ME3: variants seen among roughly 807,000 people sequenced by gnomAD.
ME3 encodes the protein malic enzyme 3, also known as NADP-dependent malic enzyme, mitochondrial.
ME3 carries 48 observed loss-of-function variants against 68.9 expected under a neutral mutation model. That is an observed-to-expected ratio of 0.70 (90% CI 0.55 to 0.89). ME3 has a LOEUF of 0.89. Ranked by LOEUF, ME3 falls within the 40% of genes least tolerant of loss-of-function variation. The pLI is 0.00. For synonymous variants in ME3, 320 were observed against 318.8 expected (o/e 1.00, Z -0.04); for missense variants, 675 against 797.4 (o/e 0.85, Z 1.85).
At chr11:86,577,333 A>C (rs1185510988) in intron 2 of ME3, among the ~76,000 whole-genome samples, 1 of 152,200 alleles carries the variant, frequency 6.6e-6, no homozygotes, top group African/African-American at 2.4e-5. Flanking sequence ...CTGAATGAGA[A>C]TGAGAAGACT....
intron 4 of ME3, among the ~76,000 whole-genome samples, chr11:86,512,376 C>T (rs1348850305): frequency 6.6e-6 from 1 of 152,242 alleles, no homozygotes; most frequent in Non-Finnish European, 1.5e-5. Context: ...CCATCGCCCT[C>T]ATTAGACTGT....
At chr11:86,587,118 G>A (rs1007365288) in intron 2 of ME3, among the ~76,000 whole-genome samples, 6 of 152,308 alleles carry the variant, frequency 3.9e-5, no homozygotes, top group Middle Eastern at 3.4e-3. Context: ...TCTTAGTTGA[G>A]CTGAGATCAA....
intron 8 of ME3, among the ~76,000 whole-genome samples, chr11:86,461,746 G>A (rs1167780442): frequency 1.3e-5 from 2 of 152,186 alleles, no homozygotes; most frequent in African/African-American, 4.8e-5. Context: ...AGGAGGATCT[G>A]GGTGGCGCAT....
At chr11:86,603,982 T>G in intron 2 of ME3, among the ~76,000 whole-genome samples, 1 of 145,576 alleles carries the variant, frequency 6.9e-6, no homozygotes, top group Admixed American at 6.8e-5. Flanking sequence ...CATTAGGAGA[T>G]ATGCCTAATG....
chr11:86,574,921 A>ACCAGGCT (rs1285500072), intron 2 of ME3, among the ~76,000 whole-genome samples: 28 of 148,656 alleles, frequency 1.9e-4, no homozygotes, highest in South Asian at 4.2e-4. Flanking sequence ...ATGTGAAGGT[A>ACCAGGCT]TCTGCAAATT....
At chr11:86,659,159 G>A (rs974907884) in intron 2 of ME3, among the ~76,000 whole-genome samples, 7 of 152,184 alleles carry the variant, frequency 4.6e-5, no homozygotes, top group Admixed American at 2.0e-4. Context: ...CATCAGAAAC[G>A]GACACACAGG....
At chr11:86,557,674 C>T (rs1002581791) in intron 3 of ME3, among the ~76,000 whole-genome samples, 1 of 152,148 alleles carries the variant, frequency 6.6e-6, no homozygotes, top group African/African-American at 2.4e-5. Flanking sequence ...AAACTAAAAA[C>T]TGTGCTCTGG....
intron 7 of ME3, among the ~76,000 whole-genome samples, chr11:86,471,052 C>A (rs1411888186): frequency 6.6e-6 from 1 of 151,928 alleles, no homozygotes; most frequent in Admixed American, 6.6e-5. Flanking sequence ...TTGCACGGTC[C>A]CCTGTCTTTG....
At chr11:86,596,315 G>GA (rs1209524176) in intron 2 of ME3, among the ~76,000 whole-genome samples, 1 of 152,078 alleles carries the variant, frequency 6.6e-6, no homozygotes, top group Non-Finnish European at 1.5e-5. Flanking sequence ...TTTGACTAGT[G>GA]AAAAAAATGG....
intron 2 of ME3, among the ~76,000 whole-genome samples, chr11:86,610,553 T>C (rs1020497893): frequency 6.6e-6 from 1 of 152,286 alleles, no homozygotes; most frequent in East Asian, 1.9e-4. Context: ...CCACTTTCCA[T>C]TCCAAGGCCC....
intron 7 of ME3, among the ~76,000 whole-genome samples, chr11:86,471,787 G>A (rs896749494): frequency 6.6e-6 from 1 of 152,158 alleles, no homozygotes; most frequent in Non-Finnish European, 1.5e-5. Flanking sequence ...AACATAGTGA[G>A]ACCCATATCT....
chr11:86,465,305 G>T, intron 7 of ME3, 105 bp from the exon 8 acceptor site: 12 of 766,608 alleles, frequency 1.6e-5, no homozygotes, highest in East Asian at 2.7e-5. Flanking sequence ...CTGGGGGTGG[G>T]AGGTGGCATG....
intron 2 of ME3, among the ~76,000 whole-genome samples, chr11:86,666,587 T>G (rs2135515017): frequency 6.6e-6 from 1 of 152,332 alleles, no homozygotes; most frequent in Non-Finnish European, 1.5e-5. Context: ...CAGAGAAAAG[T>G]TTGATTTCAA....
At chr11:86,471,936 G>A (rs1291611584) in intron 7 of ME3, among the ~76,000 whole-genome samples, 2 of 152,178 alleles carry the variant, frequency 1.3e-5, no homozygotes, top group African/African-American at 4.8e-5. Flanking sequence ...AATACTCTGT[G>A]GCATCAGTAA....
chr11:86,486,024 C>G, intron 7 of ME3, among the ~76,000 whole-genome samples: 1 of 152,192 alleles, frequency 6.6e-6, no homozygotes, highest in East Asian at 1.9e-4. Flanking sequence ...ACCTCCCCAT[C>G]CTCACTCTAT....
At chr11:86,588,528 C>T (rs148350185) in intron 2 of ME3, among the ~76,000 whole-genome samples, 58 of 152,188 alleles carry the variant, frequency 3.8e-4, no homozygotes, top group African/African-American at 1.2e-3. Context: ...CCATAGAAAA[C>T]GCCATATTTC....
chr11:86,491,531 C>G (rs895153262), intron 6 of ME3, among the ~76,000 whole-genome samples: 1 of 152,190 alleles, frequency 6.6e-6, no homozygotes, highest in Non-Finnish European at 1.5e-5. Flanking sequence ...GTGGAAATGG[C>G]TTCTCTAAAA....
At chr11:86,436,381 A>C (rs1448604530), downstream of ME3, 1 of 152,006 alleles carries the variant, frequency 6.6e-6, no homozygotes, top group Admixed American at 6.6e-5. Context: ...ATTAAGTTGA[A>C]GTAGTTCTTT....
At chr11:86,559,603 G>T in intron 3 of ME3, 87 bp downstream of exon 3, 1 of 1,449,308 alleles carries the variant, frequency 6.9e-7, no homozygotes, top group Non-Finnish European at 9.2e-7. Context: ...TTTAGCTGGA[G>T]AGTTTCCAGA....
Sources: allele counts gnomAD v4.1 joint callset (sites outside exome capture counted in the v4.1 genomes callset), GRCh38; gene constraint gnomAD v4.1.1; transcripts MANE v1.5; gene names NCBI Gene and HGNC (gene_info 2026-07-23, HGNC 2026-07-21).